Variants in AGAP1 observed in about 807,000 individuals in gnomAD.
The protein encoded by AGAP1 is ArfGAP with GTPase domain, ankyrin repeat and PH domain 1, also known as arf-GAP with GTPase, ANK repeat and PH domain-containing protein 1.
In AGAP1, 29 loss-of-function variants were observed where a neutral mutation model predicts 105.3. The observed-to-expected ratio is 0.28, with a 90% CI of 0.21 to 0.38. AGAP1 has a LOEUF of 0.38. AGAP1 is among the 10% of genes least tolerant of loss of function. AGAP1 has a pLI of 1.00. For synonymous variants in AGAP1, 509 were observed against 485.9 expected, an observed-to-expected ratio of 1.05 and a Z score of -0.63; for missense variants, 998 against 1,165.1, an observed-to-expected ratio of 0.86 and a Z score of 2.09.
At chr2:235,952,853 G>C (rs549796864) in intron 12 of AGAP1, among the ~76,000 whole-genome samples, 10 of 152,278 alleles carry the variant, frequency 6.6e-5, no homozygotes, top group Admixed American at 6.5e-4. Context: ...TCTGTTCAGG[G>C]TCACTGTGGA....
intron 16 of AGAP1, among the ~76,000 whole-genome samples, chr2:236,107,737 T>C (rs373939246): frequency 6.1e-4 from 93 of 152,316 alleles, no homozygotes; most frequent in African/African-American, 2.0e-3. Context: ...CAGGAAAACC[T>C]GGCTGGGGCC....
In AGAP1 at chr2:235,663,309, CA is replaced by C. The variant is rs941586879; in HGVS notation, c.164-45861del. Among the ~76,000 whole-genome samples the C allele has an allele frequency of 1.3e-5, 2 of 150,300 alleles. No homozygotes were observed. Among genetic ancestry groups the C allele is most frequent in the African/African-American group, 2.4e-5 (1 of 40,896 alleles). On this transcript the variant is annotated intron_variant, in intron 1 of 17. Coordinates refer to ENST00000304032, the MANE Select transcript of AGAP1 (RefSeq NM_001037131.3). The surrounding 1 kb of genome is among the most constrained non-coding windows in gnomAD (Gnocchi z 5.4). ...GGGCAACAAGAAGGAAACTCTGTCT[CA>C]AAAAAAAAGAAGGGGAGCGATCACG... is the stretch of plus-strand genomic sequence containing the variant.
chr2:236,110,891 G>C (rs2059622064), intron 16 of AGAP1, among the ~76,000 whole-genome samples: 1 of 152,222 alleles, frequency 6.6e-6, no homozygotes. Flanking sequence ...AGGCTGGAAA[G>C]TCCAAGATAG....
intron 12 of AGAP1, among the ~76,000 whole-genome samples, chr2:235,938,885 T>C (rs546996274): frequency 6.6e-6 from 1 of 152,178 alleles, no homozygotes; most frequent in Admixed American, 6.5e-5. Flanking sequence ...CATTATATTC[T>C]TGGGGGCGAT....
chr2:236,083,640 T>C lies in AGAP1; in HGVS notation c.2114+34359T>C, dbSNP rs184034105. Among the ~76,000 whole-genome samples, 12 of 152,332 alleles carry C rather than the reference T, an allele frequency of 7.9e-5. No individual in the cohort carries two copies. Among genetic ancestry groups the C allele is most frequent in the Non-Finnish European group, 8.8e-5 (6 of 68,016 alleles). ...TGGGAGGCTTTCTTATGATCATTCT[T>C]AAATAGTTTATTGTCTTATAATAAT... On this transcript the variant is annotated intron_variant, in intron 16 of 17. Transcript: ENST00000304032. This position sits in a 1 kb window ranked among gnomAD's most constrained non-coding sequence, Gnocchi z 5.3.
chr2:235,809,315 T>C (rs1015316546), intron 9 of AGAP1, among the ~76,000 whole-genome samples: 1 of 152,154 alleles, frequency 6.6e-6, no homozygotes, highest in Non-Finnish European at 1.5e-5. Context: ...TGCCTTTCGA[T>C]TGTGAATGTT....
chr2:236,129,706 T>C lies in AGAP1; in HGVS notation c.*5584T>C, dbSNP rs2060057212. On this transcript the variant is annotated 3_prime_UTR_variant, in exon 18 of 18. Coordinates refer to ENST00000304032, the MANE Select transcript of AGAP1 (RefSeq NM_001037131.3). This position sits in a 1 kb window ranked among gnomAD's most constrained non-coding sequence, Gnocchi z 6.2. Reference sequence around the variant, plus strand: ...CTTAAATAGACTGTTGAAATATTAATGGCCCCCCCATTTAATCAGTGTGTC... The same window carrying C: ...CTTAAATAGACTGTTGAAATATTAACGGCCCCCCCATTTAATCAGTGTGTC... The C allele has an allele frequency of 6.6e-6, 1 of 152,236 alleles. No homozygotes were observed. The highest frequency in any genetic ancestry group is 2.4e-5 in the African/African-American group (1 of 41,472). 9.4% of individuals were successfully genotyped at this position (152,236 alleles called of 1,614,324 possible).
At chr2:235,505,448 T>C (rs953019390) in intron 1 of AGAP1, among the ~76,000 whole-genome samples, 1 of 152,156 alleles carries the variant, frequency 6.6e-6, no homozygotes. Flanking sequence ...TTTTGAGGGA[T>C]GGTGGTGGGA....
rs1022723930 is a variant in AGAP1, at chr2:235,964,178, AAC to A, written c.1484-4280_1484-4279del. 8.5e-5 allele frequency among the ~76,000 whole-genome samples: 13 copies of A among 152,160 alleles called. No homozygotes were observed. The highest frequency in any genetic ancestry group is 3.1e-4 in the African/African-American group (13 of 41,436). On this transcript the variant is annotated intron_variant, in intron 12 of 17. Coordinates refer to ENST00000304032, the MANE Select transcript of AGAP1 (RefSeq NM_001037131.3). This position sits in a 1 kb window ranked among gnomAD's most constrained non-coding sequence, Gnocchi z 4.6. ...TGTTAGTTTGGGAGAGAGTGTTACA[AAC>A]ACAGAGTGACAGAGGGAAGGACGCA... is the stretch of plus-strand genomic sequence containing the variant.
intron 16 of AGAP1, among the ~76,000 whole-genome samples, chr2:236,117,485 C>T (rs2059799430): frequency 6.6e-6 from 1 of 152,166 alleles, no homozygotes; most frequent in Admixed American, 6.5e-5. Flanking sequence ...GGTTCGTACT[C>T]ATTCTTTGGC....
intron 1 of AGAP1, among the ~76,000 whole-genome samples, chr2:235,694,045 A>T (rs556613566): frequency 2.8e-4 from 43 of 152,320 alleles, no homozygotes; most frequent in African/African-American, 1.0e-3. Flanking sequence ...AAGCATGAGG[A>T]ATAAGATCGG....
chr2:235,730,800 G>A (rs1296778967), intron 3 of AGAP1, among the ~76,000 whole-genome samples: 1 of 152,152 alleles, frequency 6.6e-6, no homozygotes, highest in Non-Finnish European at 1.5e-5. Context: ...GTTTTGGTGG[G>A]TATCGGAAGA....
At chr2:235,840,866 C>A (rs903042221) in intron 9 of AGAP1, among the ~76,000 whole-genome samples, 1 of 151,024 alleles carries the variant, frequency 6.6e-6, no homozygotes, top group African/African-American at 2.4e-5. Flanking sequence ...AGTGTGAGAT[C>A]CAGGAATTTG....
chr2:235,562,814 TG>T (rs1944205981), intron 1 of AGAP1, among the ~76,000 whole-genome samples: 1 of 152,122 alleles, frequency 6.6e-6, no homozygotes, highest in African/African-American at 2.4e-5. Context: ...CTCAGAATTT[TG>T]GGAGACTGAG....
intron 6 of AGAP1, chr2:235,773,935 A>G (rs184788041): frequency 4.5e-5 from 21 of 468,640 alleles, no homozygotes; most frequent in South Asian, 2.8e-4. Context: ...AAGACAATCA[A>G]CTCTTCATCT....
At chr2:235,539,308 C>T (rs1042767334) in intron 1 of AGAP1, among the ~76,000 whole-genome samples, 1 of 152,196 alleles carries the variant, frequency 6.6e-6, no homozygotes, top group Non-Finnish European at 1.5e-5. Context: ...CATGGAGTGG[C>T]AACAGTGCTT....
chr2:236,078,424 T>G lies in AGAP1; in HGVS notation c.2114+29143T>G, dbSNP rs975725387. Among the ~76,000 whole-genome samples, 4 of 152,148 alleles carry G rather than the reference T, an allele frequency of 2.6e-5. No individual in the cohort carries two copies. The highest frequency in any genetic ancestry group is 9.7e-5 in the African/African-American group (4 of 41,436). ...TTCACAGCAATGCATAGGTTGTGTG[T>G]GATGAAATCACTGGCCGCCGTGGCC... On this transcript the variant is annotated intron_variant, in intron 16 of 17. Transcript: ENST00000304032. This position sits in a 1 kb window ranked among gnomAD's most constrained non-coding sequence, Gnocchi z 5.3.
rs953190302 is a variant in AGAP1, at chr2:235,866,895, C to A, written c.1051-16450C>A. 1.3e-5 allele frequency among the ~76,000 whole-genome samples: 2 copies of A among 152,202 alleles called. No homozygotes were observed. The highest frequency in any genetic ancestry group is 4.8e-5 in the African/African-American group (2 of 41,448). On this transcript the variant is annotated intron_variant, in intron 9 of 17. Coordinates refer to ENST00000304032, the MANE Select transcript of AGAP1 (RefSeq NM_001037131.3). The surrounding 1 kb of genome is among the most constrained non-coding windows in gnomAD (Gnocchi z 6.1). ...GCCCATCCTAACAGCCTTATTTTAA[C>A]ATAATTTGCTCTGTAAAGGCCCTGA...
Position 235,714,990 on chromosome 2 carries a change from G to C in AGAP1, c.223-2567G>C, listed in dbSNP as rs1188591150. ...TTTTTTGTAGTTTTAGTAGAGATGGGATTTCACCGTGTTAGCCAGGATGGT... is the reference window on the plus strand; with the variant it reads ...TTTTTTGTAGTTTTAGTAGAGATGGCATTTCACCGTGTTAGCCAGGATGGT... On this transcript the variant is annotated intron_variant, in intron 2 of 17. Coordinates refer to ENST00000304032, the MANE Select transcript of AGAP1 (RefSeq NM_001037131.3). The surrounding 1 kb of genome is among the most constrained non-coding windows in gnomAD (Gnocchi z 4.1). Among the ~76,000 whole-genome samples the C allele has an allele frequency of 1.3e-5, 2 of 152,068 alleles. No homozygotes were observed. The highest frequency in any genetic ancestry group is 2.9e-5 in the Non-Finnish European group (2 of 68,018).
Sources: gnomAD v4.1 joint callset for allele counts (sites outside exome capture counted in the v4.1 genomes callset) on GRCh38, gnomAD v4.1.1 for gene constraint, Gnocchi (gnomAD v3.1) non-coding constraint, MANE v1.5 for transcripts, NCBI Gene and HGNC (gene_info 2026-07-23, HGNC 2026-07-21) for gene names.